The following CREG2 variants were observed in gnomAD, a reference collection of about 807,000 sequenced individuals.
The protein encoded by CREG2 is cellular repressor of E1A stimulated genes 2, also known as protein CREG2.
Under a neutral mutation model 26.2 loss-of-function variants are expected in CREG2, and 24 were observed. The observed-to-expected ratio is 0.92, with a 90% CI of 0.66 to 1.29. CREG2 has a LOEUF of 1.29. Ranked by LOEUF, CREG2 falls within the 50% of genes most tolerant of loss-of-function variation. The pLI is 0.00. For missense variants in CREG2, 366 were observed against 398.6 expected (o/e 0.92, Z 0.70); for synonymous variants, 174 against 169.2 (o/e 1.03, Z -0.22).
chr2:101,362,023 C>A (rs1684548471), intron 2 of CREG2, among the ~76,000 whole-genome samples: 1 of 152,172 alleles, frequency 6.6e-6, no homozygotes, highest in Admixed American at 6.5e-5. Flanking sequence ...TCCCCAGGTC[C>A]CGAGAACCTG....
chr2:101,353,811 G>T (rs931721635), intron 3 of CREG2, among the ~76,000 whole-genome samples: 1 of 152,182 alleles, frequency 6.6e-6, no homozygotes, highest in Non-Finnish European at 1.5e-5. Context: ...CATGTCCTTT[G>T]CAGGGACATG....
intron 2 of CREG2, among the ~76,000 whole-genome samples, chr2:101,369,267 T>C (rs1293209347): frequency 6.6e-6 from 1 of 151,644 alleles, no homozygotes; most frequent in Non-Finnish European, 1.5e-5. Flanking sequence ...AGAGAAGCAG[T>C]GAGTCGGGAG....
At chr2:101,366,581 G>C (rs959449934) in intron 2 of CREG2, among the ~76,000 whole-genome samples, 18 of 152,122 alleles carry the variant, frequency 1.2e-4, no homozygotes, top group Admixed American at 4.6e-4. Flanking sequence ...CCAGCACTTT[G>C]GGGGGCTGAG....
chr2:101,377,766 C>G (rs1268963655), intron 2 of CREG2, among the ~76,000 whole-genome samples: 3 of 152,092 alleles, frequency 2.0e-5, no homozygotes, highest in African/African-American at 7.2e-5. Flanking sequence ...ATCACAGCAC[C>G]CAGGAGTAAA....
intron 2 of CREG2, chr2:101,382,655 G>A (rs927760337): frequency 6.1e-6 from 6 of 985,336 alleles, no homozygotes; most frequent in Admixed American, 6.1e-5. Context: ...GATGCATCTT[G>A]CATTGTATAG....
intron 2 of CREG2, among the ~76,000 whole-genome samples, chr2:101,370,098 G>A (rs1404147181): frequency 1.3e-5 from 2 of 152,046 alleles, no homozygotes; most frequent in Admixed American, 1.3e-4. Flanking sequence ...TTTGGCCTGT[G>A]GATCCTTAAG....
rs951167168 is a variant in CREG2 at position 101,350,027 on chromosome 2, G to A, written c.*896C>T. The A allele has an allele frequency of 2.6e-5, 4 of 152,238 alleles. No homozygotes were observed. Among genetic ancestry groups the A allele is most frequent in the African/African-American group, 4.8e-5 (2 of 41,448 alleles). 9.4% of individuals were successfully genotyped at this position (152,238 alleles called of 1,614,324 possible). A position where few individuals can be genotyped will look rare whatever the true frequency, so the allele number is the denominator to read the frequency against. On this transcript the variant is annotated 3_prime_UTR_variant, in exon 4 of 4. Transcript: ENST00000324768. Reference sequence around the variant, plus strand: ...TTAAATGAGATGGCTTCTGTTGAGGGCCTGGCCCAGGGCCGGGCAGGCAGT... The same window carrying A: ...TTAAATGAGATGGCTTCTGTTGAGGACCTGGCCCAGGGCCGGGCAGGCAGT...
chr2:101,352,907 G>C (rs553804248), intron 3 of CREG2, among the ~76,000 whole-genome samples: 2 of 152,232 alleles, frequency 1.3e-5, no homozygotes, highest in South Asian at 4.1e-4. Flanking sequence ...ATATGATTAC[G>C]CCACTGCACT....
In CREG2 at chr2:101,363,273, A is replaced by G. The variant is rs114708739; in HGVS notation, c.612-7907T>C. Among the ~76,000 whole-genome samples, 1,210 of 152,262 alleles carry G rather than the reference A, an allele frequency of 7.9e-3. 9 individuals are homozygous for G. Among genetic ancestry groups the G allele is most frequent in the African/African-American group, 0.027 (1,137 of 41,536 alleles). ...CAGCACTTTGTATGCAGCGGAGTGG[A>G]TTACATGGACCTGAGGAGTCATAAA... On this transcript the variant is annotated intron_variant, in intron 2 of 3. Transcript: ENST00000324768.
At chr2:101,367,099 G>A (rs1215206155) in intron 2 of CREG2, among the ~76,000 whole-genome samples, 1 of 152,160 alleles carries the variant, frequency 6.6e-6, no homozygotes, top group East Asian at 1.9e-4. Context: ...AACTGGAAGA[G>A]TGGTCCATTA....
In CREG2 at chr2:101,355,283, A is replaced by G. The variant is rs1184268300; in HGVS notation, c.695T>C (p.Val232Ala). 1.9e-6 allele frequency: 3 copies of G among 1,613,428 alleles called. No individual in the cohort carries two copies. The highest frequency in any genetic ancestry group is 1.6e-4 in the Middle Eastern group (1 of 6,084). The change falls in exon 3 of 4, where the codon GTA becomes GCA. Residue 232 changes from valine to alanine, a missense_variant. Transcript: ENST00000324768. ...AAACATGGCTTGCTTGGCAAATTCT[A>G]CTTCTTCTGGAGACACTGCGATCAT... is the stretch of plus-strand genomic sequence containing the variant. ...GQMIAVSPEE[V>A]EFAKQAMFSR... is the part of the protein sequence containing the mutation.
rs1470466904 is a variant in CREG2, at chr2:101,352,951, A to G, written c.726-1881T>C. Among the ~76,000 whole-genome samples, 3 of 152,212 alleles carry G rather than the reference A, an allele frequency of 2.0e-5. No individual in the cohort carries two copies. The East Asian group carries it at 5.8e-4, about 29-fold the overall frequency. On this transcript the variant is annotated intron_variant, in intron 3 of 3. Coordinates refer to ENST00000324768, the MANE Select transcript of CREG2 (RefSeq NM_153836.4). ...CACAAAAGAAAAAATCCTTGCCTCT[A>G]AAATTAAAAATAAAAGCAGAAAAAG...
intron 2 of CREG2, among the ~76,000 whole-genome samples, chr2:101,369,272 C>T (rs1170218372): frequency 7.9e-5 from 12 of 151,740 alleles, no homozygotes; most frequent in Non-Finnish European, 8.8e-5. Context: ...AGCAGTGAGT[C>T]GGGAGAAGCC....
At chr2:101,358,382 T>C (rs574777817) in intron 2 of CREG2, among the ~76,000 whole-genome samples, 3 of 152,314 alleles carry the variant, frequency 2.0e-5, no homozygotes, top group South Asian at 4.1e-4. Context: ...ATGGATTCTT[T>C]ATCCCAATAT....
At position 101,384,912 on chromosome 2, in the gene CREG2, G is replaced by C. The variant is rs989582285; in HGVS notation, c.442-1210C>G. The stretch of plus-strand genomic sequence containing the variant: ...AGCCTGGCACCTTCCCCTCTCTCTT[G>C]CTTTCTTTCTTGCCATGTGATCACT... On this transcript the variant is annotated intron_variant, in intron 1 of 3. Transcript: ENST00000324768. Among the ~76,000 whole-genome samples, 4 of 152,078 alleles carry C rather than the reference G, an allele frequency of 2.6e-5. No individual in the cohort carries two copies. In the East Asian group the frequency reaches 7.8e-4, roughly 30 times the overall value.
At chr2:101,360,440 AG>A in intron 2 of CREG2, among the ~76,000 whole-genome samples, 1 of 152,320 alleles carries the variant, frequency 6.6e-6, no homozygotes, top group South Asian at 2.1e-4. Flanking sequence ...CTCCATTAAA[AG>A]AAGAAAGAAA....
chr2:101,356,975 C>T (rs566441398), intron 2 of CREG2, among the ~76,000 whole-genome samples: 83 of 151,968 alleles, frequency 5.5e-4, no homozygotes, highest in Non-Finnish European at 9.0e-4. Flanking sequence ...CTGCAACCTC[C>T]GCCTCCCGGG....
At position 101,351,523 on chromosome 2, in the gene CREG2, T is replaced by C. The variant is rs1684381262; in HGVS notation, c.726-453A>G. On this transcript the variant is annotated intron_variant, in intron 3 of 3. Coordinates refer to ENST00000324768, the MANE Select transcript of CREG2 (RefSeq NM_153836.4). The stretch of plus-strand genomic sequence containing the variant: ...TTTGGAAACATAAAGAAAGGCTTTA[T>C]GCATCTCTATATGAAATGTTAACAA... Among the ~76,000 whole-genome samples the C allele has an allele frequency of 2.0e-5, 3 of 152,214 alleles. No individual in the cohort carries two copies. The South Asian group carries it at 6.2e-4, about 32-fold the overall frequency.
At chr2:101,353,611 T>C (rs1684413693) in intron 3 of CREG2, among the ~76,000 whole-genome samples, 1 of 152,252 alleles carries the variant, frequency 6.6e-6, no homozygotes, top group African/African-American at 2.4e-5. Flanking sequence ...ATCCCATTAC[T>C]GGGCATATAC....
Sources: allele counts gnomAD v4.1 joint callset (sites outside exome capture counted in the v4.1 genomes callset), GRCh38; gene constraint gnomAD v4.1.1; transcripts MANE v1.5; gene names NCBI Gene and HGNC (gene_info 2026-07-23, HGNC 2026-07-21).